Variants in SNAP25 observed in about 807,000 individuals in gnomAD.
The protein encoded by SNAP25 is synaptosome associated protein 25.
In SNAP25, 3 loss-of-function variants were observed where a neutral mutation model predicts 28.7. The observed-to-expected ratio is 0.10, with a 90% CI of 0.05 to 0.27. SNAP25 has a LOEUF of 0.27. Among genes scored for constraint, SNAP25 ranks in the 10% least tolerant of loss-of-function variants. The pLI, the probability that SNAP25 is intolerant of heterozygous loss-of-function variation, is 1.00. For missense variants in SNAP25, 117 were observed against 278.7 expected, an observed-to-expected ratio of 0.42 and a Z score of 4.13; for synonymous variants, 61 against 88.1, an observed-to-expected ratio of 0.69 and a Z score of 1.72.
chr20:10,259,564 AG>A (rs1450652196), intron 1 of SNAP25, among the ~76,000 whole-genome samples: 1 of 61,590 alleles, frequency 1.6e-5, no homozygotes. Context: ...TTTGAGACAG[AG>A]TCTCATTCTC....
chr20:10,270,560 C>T (rs548753131), intron 1 of SNAP25, among the ~76,000 whole-genome samples: 28 of 152,096 alleles, frequency 1.8e-4, no homozygotes, highest in African/African-American at 5.8e-4. Context: ...ATTAGCTGGG[C>T]GTGGTGGCAT....
Position 10,284,949 on chromosome 20 carries a change from T to G in SNAP25, c.163+177T>G, listed in dbSNP as rs79262309. On this transcript the variant is annotated intron_variant, in intron 4 of 7. Transcript: ENST00000254976. ...TCTCTGTTGAAAAGATTGGTAAATG[T>G]ATGGAAATGTTGAGGCCTTCTTCAT... Among the ~76,000 whole-genome samples, 1,956 of 152,358 alleles carry G rather than the reference T, an allele frequency of 0.013. 23 individuals are homozygous for G. The highest frequency in any genetic ancestry group is 0.017 in the Non-Finnish European group (1,151 of 68,044).
intron 1 of SNAP25, among the ~76,000 whole-genome samples, chr20:10,233,120 G>A (rs1266489904): frequency 2.0e-5 from 3 of 152,072 alleles, no homozygotes; most frequent in Non-Finnish European, 4.4e-5. Flanking sequence ...AGGGATAACT[G>A]GTCCTCTGGT....
intron 7 of SNAP25, among the ~76,000 whole-genome samples, chr20:10,304,794 G>T (rs1366262112): frequency 2.0e-5 from 3 of 152,108 alleles, no homozygotes; most frequent in Admixed American, 6.6e-5. Flanking sequence ...ATGTGAAACT[G>T]CAAGAGATCA....
chr20:10,233,672 G>A (rs888079425), intron 1 of SNAP25, among the ~76,000 whole-genome samples: 2 of 152,154 alleles, frequency 1.3e-5, no homozygotes, highest in African/African-American at 2.4e-5. Context: ...TGGAAGAACT[G>A]GGCCAAATAT....
At chr20:10,284,897 T>C in intron 4 of SNAP25, 125 bp downstream of exon 4, 1 of 726,194 alleles carries the variant, frequency 1.4e-6, no homozygotes. Context: ...GTGAGGGTTC[T>C]AGATTTTTCA....
chr20:10,236,778 C>T lies in SNAP25; in HGVS notation c.-64+17801C>T, dbSNP rs191465309. On this transcript the variant is annotated intron_variant, in intron 1 of 7. Transcript: ENST00000254976. The stretch of plus-strand genomic sequence containing the variant: ...AGCGATTCCAGGGATTAGCAGGGCA[C>T]GGCTGACTCACCCAGCTGCCTAGCC... Among the ~76,000 whole-genome samples the T allele has an allele frequency of 3.1e-3, 470 of 152,054 alleles. 2 individuals carry two copies. Among genetic ancestry groups the T allele is most frequent in the Middle Eastern group, 0.017 (5 of 294 alleles).
At chr20:10,285,722 C>G (rs6039809) in intron 4 of SNAP25, among the ~76,000 whole-genome samples, 36,119 of 151,766 alleles carry the variant, frequency 0.24, 4,533 homozygotes, top group Middle Eastern at 0.34. Context: ...AGAGAGAAGG[C>G]ACTTCTCCTA....
intron 3 of SNAP25, 37 bp downstream of exon 3, chr20:10,277,763 T>C (rs2123019738): frequency 6.3e-7 from 1 of 1,577,544 alleles, no homozygotes; most frequent in East Asian, 2.2e-5. Context: ...AAGGAACAAA[T>C]CCCTTATGCT....
At chr20:10,289,905 A>G (rs981485259) in intron 4 of SNAP25, among the ~76,000 whole-genome samples, 4 of 151,942 alleles carry the variant, frequency 2.6e-5, no homozygotes, top group Non-Finnish European at 5.9e-5. Flanking sequence ...ATCTATCACA[A>G]ATAACCAGTG....
intron 5 of SNAP25, among the ~76,000 whole-genome samples, chr20:10,295,700 T>G (rs1409231418): frequency 6.6e-6 from 1 of 151,298 alleles, no homozygotes; most frequent in Non-Finnish European, 1.5e-5. Flanking sequence ...AAAAAAAATG[T>G]GAAAATGGGA....
chr20:10,283,606 A>G (rs1261298509), intron 3 of SNAP25, among the ~76,000 whole-genome samples: 1 of 152,246 alleles, frequency 6.6e-6, no homozygotes, highest in African/African-American at 2.4e-5. Context: ...CAGAAGCACT[A>G]TTGAAATTTA....
At chr20:10,304,446 A>G (rs2064309442) in intron 7 of SNAP25, among the ~76,000 whole-genome samples, 1 of 152,224 alleles carries the variant, frequency 6.6e-6, no homozygotes, top group Admixed American at 6.5e-5. Context: ...TGACATAAAA[A>G]GTCCATTAAC....
Position 10,255,339 on chromosome 20 carries a change from T to C in SNAP25, c.-63-20090T>C, listed in dbSNP as rs187165965. On this transcript the variant is annotated intron_variant, in intron 1 of 7. Coordinates refer to ENST00000254976, the MANE Select transcript of SNAP25 (RefSeq NM_130811.4). The stretch of plus-strand genomic sequence containing the variant: ...TGACACTCTTAAGTGTTGTCCACCC[T>C]CTTGTATGTTTCCTTCCAATGGGCA... 5.1e-4 allele frequency among the ~76,000 whole-genome samples: 78 copies of C among 152,342 alleles called. 3 individuals carry two copies. Among genetic ancestry groups the C allele is most frequent in the East Asian group, 4.6e-3 (24 of 5,184 alleles).
intron 1 of SNAP25, among the ~76,000 whole-genome samples, chr20:10,265,427 A>G (rs1006077318): frequency 6.6e-6 from 1 of 152,206 alleles, no homozygotes; most frequent in Non-Finnish European, 1.5e-5. Flanking sequence ...AGCACCATCC[A>G]CAGAGTCTCC....
In SNAP25 at chr20:10,229,860, A is replaced by T. The variant is rs539276441; in HGVS notation, c.-64+10883A>T. Among the ~76,000 whole-genome samples the T allele has an allele frequency of 3.9e-5, 6 of 152,242 alleles. No homozygotes were observed. In the South Asian group the frequency reaches 1.2e-3, roughly 32 times the overall value. On this transcript the variant is annotated intron_variant, in intron 1 of 7. Coordinates refer to ENST00000254976, the MANE Select transcript of SNAP25 (RefSeq NM_130811.4). ...TACATAAACAGGGGTTAGTAATTAAAATACTAGGCATTTTGTTAAGCAGAA... is the reference window on the plus strand; with the variant it reads ...TACATAAACAGGGGTTAGTAATTAATATACTAGGCATTTTGTTAAGCAGAA...
chr20:10,260,317 A>G (rs1453196815), intron 1 of SNAP25, among the ~76,000 whole-genome samples: 1 of 152,132 alleles, frequency 6.6e-6, no homozygotes, highest in East Asian at 1.9e-4. Context: ...CAGACACAAT[A>G]CTAGTTGGAA....
At chr20:10,252,475 G>A (rs1290195183) in intron 1 of SNAP25, among the ~76,000 whole-genome samples, 1 of 152,122 alleles carries the variant, frequency 6.6e-6, no homozygotes, top group Non-Finnish European at 1.5e-5. Flanking sequence ...CATGTAACTT[G>A]TCAGTCTGGT....
intron 1 of SNAP25, 171 bp downstream of exon 1, chr20:10,219,148 G>A (rs2062572897): frequency 6.6e-6 from 1 of 152,296 alleles, no homozygotes; most frequent in South Asian, 2.1e-4. Flanking sequence ...GTGTTTTCGA[G>A]GTGAGCTGCT....
Sources: gnomAD v4.1 joint callset for allele counts (sites outside exome capture counted in the v4.1 genomes callset) on GRCh38, gnomAD v4.1.1 for gene constraint, MANE v1.5 for transcripts, NCBI Gene and HGNC (gene_info 2026-07-23, HGNC 2026-07-21) for gene names.